The following TRIM66 variants were observed in gnomAD, a reference collection of about 807,000 sequenced individuals.
TRIM66 encodes tripartite motif-containing protein 66.
In TRIM66, 99 loss-of-function variants were observed where a neutral mutation model predicts 148.2. The ratio of observed to expected loss-of-function variants is 0.67; its 90% CI spans 0.57 to 0.79. The LOEUF is 0.79. Among genes scored for constraint, TRIM66 ranks in the 30% least tolerant of loss-of-function variants. TRIM66 has a pLI of 0.00. For missense variants in TRIM66, 1,666 were observed against 1,697.9 expected, an observed-to-expected ratio of 0.98 and a Z score of 0.33; for synonymous variants, 616 against 635.9, an observed-to-expected ratio of 0.97 and a Z score of 0.47.
chr11:8,658,936 G>A, intron 6 of TRIM66: 5 of 381,948 alleles, frequency 1.3e-5, no homozygotes, highest in Non-Finnish European at 1.4e-5. Flanking sequence ...ACAAGCAGAG[G>A]ATTAGGACTT....
In TRIM66 at chr11:8,638,733, G is replaced by A. The variant is rs1335806522; in HGVS notation, c.2231C>T (p.Ala744Val). The change falls in exon 15 of 25, where the codon GCG becomes GTG. Residue 744 changes from alanine (A) to valine (V), a missense_variant. Physicochemically the swap from Ala to Val is moderately conservative, Grantham distance 64 (BLOSUM62 0). Transcript: ENST00000646038. Reference protein sequence around the residue: ...DKNTAAALPQASGEETPLSVP... With the variant: ...DKNTAAALPQVSGEETPLSVP... ...ACTGAGAGGGGTTTCTTCCCCAGAC[G>A]CCTGGGGCAAGGCAGCAGCAGTATT... 12 of 1,550,168 alleles carry A rather than the reference G, an allele frequency of 7.7e-6. No homozygotes were observed. Among genetic ancestry groups the A allele is most frequent in the African/African-American group, 1.4e-5 (1 of 72,888 alleles).
rs571063079 is a variant in TRIM66 at position 8,668,787 on chromosome 11, T to C, written c.340+2999A>G. Among the ~76,000 whole-genome samples, 7 of 152,200 alleles carry C rather than the reference T, an allele frequency of 4.6e-5. No homozygotes were observed. In the South Asian group the frequency reaches 1.5e-3, roughly 32 times the overall value. ...TTTTAGTAGAGACGGGGTTTCACCA[T>C]GTTGCCCAGGCTGGTCTCGAACTCC... On this transcript the variant is annotated intron_variant, in intron 6 of 24. Coordinates refer to ENST00000646038, the MANE Select transcript of TRIM66 (RefSeq NM_001388022.1).
In TRIM66 at chr11:8,621,785, G is replaced by A. The variant is rs1328964812; in HGVS notation, c.3115C>T (p.Arg1039Ter). The change falls in exon 19 of 25, where the codon CGA becomes TGA. Residue 1039 changes from arginine (R) to a stop codon, truncating the protein, a stop_gained. Coordinates refer to ENST00000646038, the MANE Select transcript of TRIM66 (RefSeq NM_001388022.1). LOFTEE classifies it high-confidence loss of function. ...FNSEHKIPYV[R>*]LERLKICAAS... is the part of the protein sequence containing the mutation. Reference sequence around the variant, plus strand: ...GCACAGATCTTGAGTCGCTCCAGTCGCACATAGGGAATCTTATGCTCACTA... The same window carrying A: ...GCACAGATCTTGAGTCGCTCCAGTCACACATAGGGAATCTTATGCTCACTA... 3 of 1,550,038 alleles carry A rather than the reference G, an allele frequency of 1.9e-6. No individual in the cohort carries two copies. The highest frequency in any genetic ancestry group is 2.4e-5 in the East Asian group (1 of 40,866).
At chr11:8,619,257 G>GC in intron 23 of TRIM66, 126 bp downstream of exon 23, 1 of 1,113,020 alleles carries the variant, frequency 9.0e-7, no homozygotes, top group Non-Finnish European at 1.3e-6. Context: ...ACCACAGCAG[G>GC]CCCCCAGAAT....
At chr11:8,622,339 A>AACACAC (rs150269400) in intron 18 of TRIM66, among the ~76,000 whole-genome samples, 51 of 71,350 alleles carry the variant, frequency 7.1e-4, no homozygotes, top group South Asian at 2.2e-3. Flanking sequence ...ACACACACAC[A>AACACAC]ACACACACAC....
intron 6 of TRIM66, among the ~76,000 whole-genome samples, chr11:8,662,412 A>G (rs1216625778): frequency 6.6e-6 from 1 of 151,962 alleles, no homozygotes; most frequent in Admixed American, 6.6e-5. Context: ...TAAAGTCCCA[A>G]GGCCTGCCCA....
rs1021366511 is a variant in TRIM66, at chr11:8,613,335, G to A, written c.*4609C>T. Reference sequence around the variant, plus strand: ...TGTGGTGTCATAAAAGCTAAGGGAGGAGGTTGTTTCACTGAGGGTTGGTGG... The same window carrying A: ...TGTGGTGTCATAAAAGCTAAGGGAGAAGGTTGTTTCACTGAGGGTTGGTGG... On this transcript the variant is annotated 3_prime_UTR_variant, in exon 25 of 25. Coordinates refer to ENST00000646038, the MANE Select transcript of TRIM66 (RefSeq NM_001388022.1). 10 of 152,212 alleles carry A rather than the reference G, an allele frequency of 6.6e-5. No homozygotes were observed. The highest frequency in any genetic ancestry group is 2.4e-4 in the African/African-American group (10 of 41,438). The allele number at this position is 152,212 out of a possible 1,614,324, so 9.4% of individuals were successfully genotyped here.
chr11:8,648,562 C>G lies in TRIM66; in HGVS notation c.593-14G>C, dbSNP rs2037069822. On this transcript the variant is annotated splice_polypyrimidine_tract_variant and intron_variant, in intron 8 of 24. Transcript: ENST00000646038. ...CACCATTCACTCCTGCCAGAGAAGA[C>G]AGAGAAAGTGAGCTTCTCTTGCTCA... 2 of 1,551,292 alleles carry G rather than the reference C, an allele frequency of 1.3e-6. No individual in the cohort carries two copies. The highest frequency in any genetic ancestry group is 1.7e-6 in the Non-Finnish European group (2 of 1,146,898).
chr11:8,643,050 G>A lies in TRIM66; in HGVS notation c.1181C>T (p.Thr394Ile). ...CTTGGTCCAGAAGTTAGGCTCCCAG[G>A]TGAATCTGATACTCCAAGGGGAGCC... is the stretch of plus-strand genomic sequence containing the variant. Reference protein sequence around the residue: ...DPGSPWSIRFTWEPNFWTKQL... With the variant: ...DPGSPWSIRFIWEPNFWTKQL... The change falls in exon 13 of 25, where the codon ACC (threonine) becomes ATC (isoleucine). Residue 394 changes from threonine to isoleucine, a missense_variant. This residue lies in a region of TRIM66 where 1,431 missense variants were observed against 1,412.4 expected (regional missense o/e 1.01). Transcript: ENST00000646038. The A allele has an allele frequency of 6.4e-7, 1 of 1,551,338 alleles. No homozygotes were observed. The highest frequency in any genetic ancestry group is 1.7e-4 in the Middle Eastern group (1 of 5,992).
At chr11:8,682,952 GCCGGCGCGGGC>G (rs1171073449), upstream of TRIM66, 65 of 1,223,802 alleles carry the variant, frequency 5.3e-5, no homozygotes, top group Middle Eastern at 9.9e-4. Context: ...GGGCAGGGTG[GCCGGCGCGGGC>G]CCGGGGCGGG....
intron 15 of TRIM66, among the ~76,000 whole-genome samples, chr11:8,631,040 C>T (rs756458614): frequency 8.5e-5 from 13 of 152,090 alleles, no homozygotes; most frequent in Non-Finnish European, 1.6e-4. Flanking sequence ...CTAATGATTG[C>T]CACATGGTAT....
At chr11:8,670,256 G>A (rs950340195) in intron 6 of TRIM66, among the ~76,000 whole-genome samples, 1 of 151,908 alleles carries the variant, frequency 6.6e-6, no homozygotes, top group African/African-American at 2.4e-5. Context: ...CAGATGATTC[G>A]CTGCCTTGGC....
At chr11:8,632,884 A>G (rs541249467) in intron 15 of TRIM66, among the ~76,000 whole-genome samples, 5 of 152,348 alleles carry the variant, frequency 3.3e-5, no homozygotes, top group Admixed American at 6.5e-5. Context: ...CAGATATATG[A>G]TAACTTAGTA....
chr11:8,641,005 G>A lies in TRIM66; in HGVS notation c.1370C>T (p.Ser457Phe), dbSNP rs1045288779. The change falls in exon 14 of 25, where the codon TCT becomes TTT. Residue 457 changes from serine (S) to phenylalanine (F), a missense_variant. By Grantham distance (155) the Ser-to-Phe change is radical. Transcript: ENST00000646038. ...CACAGATGAGGAGCACACTGCTGGAGACTGGAACTTGTGTGAGGGGTGGCT... is the reference window on the plus strand; with the variant it reads ...CACAGATGAGGAGCACACTGCTGGAAACTGGAACTTGTGTGAGGGGTGGCT... ...ALSHPSHKFQ[S>F]PAVCSSSVCC... The A allele has an allele frequency of 1.5e-5, 24 of 1,551,332 alleles. No individual in the cohort carries two copies. The highest frequency in any genetic ancestry group is 2.4e-5 in the East Asian group (1 of 40,932).
intron 6 of TRIM66, among the ~76,000 whole-genome samples, chr11:8,667,613 C>T (rs1210653813): frequency 6.6e-6 from 1 of 152,200 alleles, no homozygotes; most frequent in African/African-American, 2.4e-5. Context: ...TAGTTTCTAT[C>T]TCTACGAAGC....
chr11:8,658,035 C>T (rs754055803), intron 6 of TRIM66, among the ~76,000 whole-genome samples: 12 of 152,256 alleles, frequency 7.9e-5, no homozygotes, highest in Non-Finnish European at 1.6e-4. Flanking sequence ...TGCAGCCAGG[C>T]GGGCTGCAAG....
chr11:8,671,301 T>C (rs887220671), intron 6 of TRIM66, among the ~76,000 whole-genome samples: 1 of 152,220 alleles, frequency 6.6e-6, no homozygotes, highest in Non-Finnish European at 1.5e-5. Context: ...GACTGCACAG[T>C]TCCCAGTGAG....
chr11:8,624,459 G>T lies in TRIM66; in HGVS notation c.2919C>A (p.Pro973=). Residue 973 remains proline, a synonymous_variant, in exon 17 of 25, where the codon CCC becomes CCA. Coordinates refer to ENST00000646038, the MANE Select transcript of TRIM66 (RefSeq NM_001388022.1). The part of the protein sequence containing the change: ...GLDAPKDLAI[P]SELEEPINLS... The stretch of plus-strand genomic sequence containing the variant: ...GGTTAATTGGCTCCTCCAGTTCTGA[G>T]GGGATGGCCAAGTCCTTGGGAGCAT... 2 of 1,551,712 alleles carry T rather than the reference G, an allele frequency of 1.3e-6. No individual in the cohort carries two copies. The highest frequency in any genetic ancestry group is 1.7e-6 in the Non-Finnish European group (2 of 1,146,994).
Position 8,672,349 on chromosome 11 carries a change from G to A in TRIM66, c.-75C>T, listed in dbSNP as rs76613594. On this transcript the variant is annotated 5_prime_UTR_variant, in exon 5 of 25. In the 5' UTR this introduces an upstream ATG that the reference lacks. Transcript: ENST00000646038. ...CGAACAAACCCTTCAAAAGTGTCCC[G>A]TACCTGTGCCTCTCCTTATTGGTAG... 471 of 1,531,948 alleles carry A rather than the reference G, an allele frequency of 3.1e-4. 2 individuals carry two copies. In the East Asian group the frequency reaches 6.6e-3, roughly 21 times the overall value. The allele number at this position is 1,531,948 out of a possible 1,614,324, so 94.9% of individuals were successfully genotyped here.
Sources: gnomAD v4.1 joint callset for allele counts (sites outside exome capture counted in the v4.1 genomes callset) on GRCh38, gnomAD v4.1.1 for gene constraint, gnomAD v4.1.1 regional missense constraint, MANE v1.5 for transcripts, NCBI Gene and HGNC (gene_info 2026-07-23, HGNC 2026-07-21) for gene names.